Variants in ESRRG observed in about 807,000 individuals in gnomAD.
The protein encoded by ESRRG is estrogen-related receptor gamma.
Under a neutral mutation model 44.0 loss-of-function variants are expected in ESRRG, and 13 were observed. That is an observed-to-expected ratio of 0.30 (90% confidence interval 0.19 to 0.47). The LOEUF is 0.47. Ranked by LOEUF, ESRRG falls within the 20% of genes least tolerant of loss-of-function variation. The probability of loss-of-function intolerance (pLI) is 1.00; values close to 1 mark genes in which losing one functional copy is unlikely to be tolerated. For missense variants in ESRRG, 395 were observed against 580.6 expected (o/e 0.68, Z 3.29); for synonymous variants, 215 against 214.6 (o/e 1.00, Z -0.02).
chr1:217,135,749 C>G (rs932189129), intron 1 of ESRRG, among the ~76,000 whole-genome samples: 1 of 152,226 alleles, frequency 6.6e-6, no homozygotes, highest in Non-Finnish European at 1.5e-5. Context: ...AAACAAATCA[C>G]GGGACACGAC....
At chr1:216,824,763 A>G (rs1294186463) in intron 2 of ESRRG, among the ~76,000 whole-genome samples, 1 of 152,232 alleles carries the variant, frequency 6.6e-6, no homozygotes, top group Non-Finnish European at 1.5e-5. Flanking sequence ...GAAATGCTGC[A>G]AGGCACTTGC....
chr1:216,863,082 T>A (rs1247081122), intron 2 of ESRRG: 2 of 152,172 alleles, frequency 1.3e-5, no homozygotes, highest in Non-Finnish European at 2.9e-5. Flanking sequence ...TTCTTAAACT[T>A]TGATACCCAT....
chr1:216,614,249 C>T lies in ESRRG; in HGVS notation c.589+36724G>A, dbSNP rs747784139. ...CCCATTCCCGCACTTACAGATCAAA[C>T]GGTGACAAATGAGATGTTACTGCTC... On this transcript the variant is annotated intron_variant, in intron 3 of 6. Transcript: ENST00000408911. Among the ~76,000 whole-genome samples, 8 of 152,296 alleles carry T rather than the reference C, an allele frequency of 5.3e-5. No homozygotes were observed. In the South Asian group the frequency reaches 6.2e-4, roughly 12 times the overall value.
chr1:217,084,237 G>T lies in ESRRG; in HGVS notation c.-106+5270C>A, dbSNP rs972698987. On this transcript the variant is annotated intron_variant, in intron 1 of 7. Transcript: ENST00000359162. The stretch of plus-strand genomic sequence containing the variant: ...AATGTTTACAATGTAAAAACTGATT[G>T]CCTCCTTAAGGAAGAAAGTGCAATA... 3.3e-5 allele frequency among the ~76,000 whole-genome samples: 5 copies of T among 151,892 alleles called. No homozygotes were observed. In the East Asian group the frequency reaches 9.6e-4, roughly 29 times the overall value.
chr1:216,883,827 T>C (rs1244028482), intron 2 of ESRRG, among the ~76,000 whole-genome samples: 1 of 148,334 alleles, frequency 6.7e-6, no homozygotes, highest in Non-Finnish European at 1.5e-5. Flanking sequence ...AACACCACTT[T>C]GGAATAGTAA....
At chr1:217,093,972 T>A (rs1418313967), upstream of ESRRG, among the ~76,000 whole-genome samples, 1 of 152,044 alleles carries the variant, frequency 6.6e-6, no homozygotes, top group East Asian at 1.9e-4. Context: ...AACCTCAAAC[T>A]CCTGGGCTCA....
At chr1:217,048,084 T>C (rs545533993) in intron 1 of ESRRG, among the ~76,000 whole-genome samples, 1 of 152,278 alleles carries the variant, frequency 6.6e-6, no homozygotes, top group Admixed American at 6.5e-5. Context: ...GGGTCCTCCC[T>C]AACTAGAGGA....
chr1:216,609,896 G>A (rs1024311691), intron 3 of ESRRG, among the ~76,000 whole-genome samples: 11 of 152,080 alleles, frequency 7.2e-5, no homozygotes, highest in African/African-American at 2.4e-4. Context: ...TATTTTGCAC[G>A]TTTCAATATT....
At chr1:216,625,355 CA>C (rs1316011586) in intron 3 of ESRRG, among the ~76,000 whole-genome samples, 2 of 143,230 alleles carry the variant, frequency 1.4e-5, no homozygotes, top group Non-Finnish European at 3.0e-5. Context: ...CCAAATGTCC[CA>C]ATAGTACCAT....
intron 1 of ESRRG, among the ~76,000 whole-genome samples, chr1:217,033,741 A>G (rs1341267164): frequency 6.6e-6 from 1 of 152,214 alleles, no homozygotes; most frequent in African/African-American, 2.4e-5. Context: ...AATTTGACCT[A>G]GTAACCCTCT....
intron 1 of ESRRG, among the ~76,000 whole-genome samples, chr1:217,006,838 C>A (rs2077814299): frequency 6.6e-6 from 1 of 151,956 alleles, no homozygotes; most frequent in South Asian, 2.1e-4. Flanking sequence ...GATTTTGGAG[C>A]ATTTTGGATT....
chr1:216,639,450 G>A (rs2065947622), intron 3 of ESRRG, among the ~76,000 whole-genome samples: 1 of 152,298 alleles, frequency 6.6e-6, no homozygotes, highest in Non-Finnish European at 1.5e-5. Flanking sequence ...AGAACTGAGA[G>A]GGAGGCCAGG....
rs570087136 is a variant in ESRRG, at chr1:216,856,672, G to A, written c.-14+82910C>T. 1.3e-3 allele frequency among the ~76,000 whole-genome samples: 194 copies of A among 152,252 alleles called. 1 individual carries two copies. Among genetic ancestry groups the A allele is most frequent in the South Asian group, 2.1e-3 (10 of 4,822 alleles). On this transcript the variant is annotated intron_variant, in intron 2 of 7. Coordinates refer to the ESRRG transcript ENST00000359162. ...ATTTTTAAGCACTGCAATTATTGAC[G>A]AAGAGTATATTACTTCAGTTTTCTC...
chr1:216,868,514 G>A (rs1180216792), intron 2 of ESRRG, among the ~76,000 whole-genome samples: 1 of 152,104 alleles, frequency 6.6e-6, no homozygotes, highest in Non-Finnish European at 1.5e-5. Flanking sequence ...TACAAATAGC[G>A]CTGGTATAAA....
intron 3 of ESRRG, among the ~76,000 whole-genome samples, chr1:216,649,986 G>A (rs1022754332): frequency 6.6e-6 from 1 of 151,994 alleles, no homozygotes; most frequent in African/African-American, 2.4e-5. Context: ...TATAATAATA[G>A]GACAAGCCCC....
chr1:217,080,709 G>C (rs1217933389), intron 1 of ESRRG, among the ~76,000 whole-genome samples: 1 of 114,492 alleles, frequency 8.7e-6, no homozygotes, highest in Non-Finnish European at 1.6e-5. Context: ...ACAGAGTCTC[G>C]CTCTGTTGCC....
intron 2 of ESRRG, among the ~76,000 whole-genome samples, chr1:216,801,494 AG>A (rs1354159608): frequency 6.6e-6 from 1 of 152,142 alleles, no homozygotes; most frequent in Non-Finnish European, 1.5e-5. Flanking sequence ...TCTTTTTCAA[AG>A]ATTCCACATA....
chr1:216,657,284 T>C (rs939800044), intron 2 of ESRRG, among the ~76,000 whole-genome samples: 4 of 152,128 alleles, frequency 2.6e-5, no homozygotes, highest in African/African-American at 9.7e-5. Flanking sequence ...CACATGTAAG[T>C]TAAGGGAGTT....
intron 1 of ESRRG, among the ~76,000 whole-genome samples, chr1:217,040,782 C>T (rs983478376): frequency 1.3e-5 from 2 of 152,076 alleles, no homozygotes; most frequent in Admixed American, 6.6e-5. Context: ...CAAACCAAAC[C>T]AATTTGTCTC....
Sources: allele counts gnomAD v4.1 joint callset (sites outside exome capture counted in the v4.1 genomes callset), GRCh38; gene constraint gnomAD v4.1.1; transcripts MANE v1.5; gene names NCBI Gene and HGNC (gene_info 2026-07-23, HGNC 2026-07-21).